The following LRP1B variants were observed in gnomAD, a reference collection of about 807,000 sequenced individuals.
LRP1B encodes LDL receptor related protein 1B.
LRP1B carries 217 observed loss-of-function variants against 556.6 expected under a neutral mutation model. That is an observed-to-expected ratio of 0.39 (90% CI 0.35 to 0.44). LRP1B has a LOEUF of 0.44. Ranked by LOEUF, LRP1B falls within the 20% of genes least tolerant of loss-of-function variation. The pLI is 1.00. For synonymous variants in LRP1B, 2,047 were observed against 1,865.8 expected (o/e 1.10, Z -2.50); for missense variants, 5,053 against 5,620.8 (o/e 0.90, Z 3.23).
At chr2:140,601,085 CAAA>C (rs5834760) in intron 42 of LRP1B, among the ~76,000 whole-genome samples, 6 of 135,812 alleles carry the variant, frequency 4.4e-5, no homozygotes, top group Non-Finnish European at 7.9e-5. Flanking sequence ...GATTAAAATG[CAAA>C]AAAAAAAAAA....
At chr2:141,697,315 A>C (rs1383288405) in intron 2 of LRP1B, among the ~76,000 whole-genome samples, 1 of 151,970 alleles carries the variant, frequency 6.6e-6, no homozygotes, top group Non-Finnish European at 1.5e-5. Flanking sequence ...TTATAAAATA[A>C]GGATCATAAA....
At chr2:141,551,159 T>C (rs1184783734) in intron 2 of LRP1B, among the ~76,000 whole-genome samples, 1 of 152,040 alleles carries the variant, frequency 6.6e-6, no homozygotes, top group Non-Finnish European at 1.5e-5. Context: ...GTGTATTTCT[T>C]GTTAATAAGG....
chr2:142,113,261 G>A (rs1180070032), intron 1 of LRP1B, among the ~76,000 whole-genome samples: 3 of 152,082 alleles, frequency 2.0e-5, no homozygotes, highest in South Asian at 2.1e-4. Flanking sequence ...TTCCTAAAAT[G>A]TATTAAGTTG....
At position 140,537,517 on chromosome 2, in the gene LRP1B, T is replaced by C. The variant is rs550916408; in HGVS notation, c.7514-808A>G. ...TAGAATTGTTAAAATAAGTCACTTG[T>C]CCCATCCATGTGTGGGAGGTTCCCG... On this transcript the variant is annotated intron_variant, in intron 45 of 90. Coordinates refer to ENST00000389484, the MANE Select transcript of LRP1B (RefSeq NM_018557.3). 3.9e-5 allele frequency among the ~76,000 whole-genome samples: 6 copies of C among 152,114 alleles called. No individual in the cohort carries two copies. In the South Asian group the frequency reaches 1.2e-3, roughly 32 times the overall value.
intron 37 of LRP1B, among the ~76,000 whole-genome samples, chr2:140,704,988 G>A (rs1267636287): frequency 6.6e-6 from 1 of 151,964 alleles, no homozygotes; most frequent in African/African-American, 2.4e-5. Flanking sequence ...AACCTACTTA[G>A]CCCTAATTCT....
rs1000554828 is a variant in LRP1B at position 141,430,361 on chromosome 2, C to T, written c.343+50035G>A. Among the ~76,000 whole-genome samples, 7 of 152,136 alleles carry T rather than the reference C, an allele frequency of 4.6e-5. No individual in the cohort carries two copies. In the East Asian group the frequency reaches 1.4e-3, roughly 29 times the overall value. On this transcript the variant is annotated intron_variant, in intron 3 of 90. Coordinates refer to ENST00000389484, the MANE Select transcript of LRP1B (RefSeq NM_018557.3). ...TAAACAGTAGCTCATAAGACATGTT[C>T]TCATCAATAATTAAAATAAAGCAAC...
intron 2 of LRP1B, among the ~76,000 whole-genome samples, chr2:141,799,913 A>G (rs541835640): frequency 6.6e-6 from 1 of 152,140 alleles, no homozygotes; most frequent in Non-Finnish European, 1.5e-5. Flanking sequence ...CTTCATGTGC[A>G]TATGTATATA....
chr2:141,826,975 C>G (rs527586320), intron 1 of LRP1B, among the ~76,000 whole-genome samples: 1 of 152,274 alleles, frequency 6.6e-6, no homozygotes, highest in South Asian at 2.1e-4. Context: ...GCTTTGTGAT[C>G]ATTTTTAAGG....
At chr2:141,815,938 A>G (rs1035156279) in intron 1 of LRP1B, among the ~76,000 whole-genome samples, 2 of 152,226 alleles carry the variant, frequency 1.3e-5, no homozygotes, top group African/African-American at 4.8e-5. Context: ...AAGGGTGGTA[A>G]AGGTTTAGAA....
intron 66 of LRP1B, among the ~76,000 whole-genome samples, chr2:140,418,418 G>C (rs2105261073): frequency 6.6e-6 from 1 of 152,252 alleles, no homozygotes; most frequent in African/African-American, 2.4e-5. Context: ...TGCTAGAAGA[G>C]GATCAACTAC....
intron 2 of LRP1B, among the ~76,000 whole-genome samples, chr2:141,491,296 AC>A (rs1473661688): frequency 6.6e-6 from 1 of 152,188 alleles, no homozygotes; most frequent in African/African-American, 2.4e-5. Context: ...GATATAAAAC[AC>A]ATGTTCCAGT....
chr2:142,031,448 C>A (rs1439684989), intron 1 of LRP1B, among the ~76,000 whole-genome samples: 1 of 140,692 alleles, frequency 7.1e-6, no homozygotes, highest in African/African-American at 2.6e-5. Flanking sequence ...AATGTGTCAT[C>A]TAGCATTAGG....
chr2:140,992,904 C>T (rs1477235427), intron 16 of LRP1B, among the ~76,000 whole-genome samples: 1 of 151,742 alleles, frequency 6.6e-6, no homozygotes. Context: ...GAAGTCAGGG[C>T]CTGAATTTGG....
intron 1 of LRP1B, among the ~76,000 whole-genome samples, chr2:141,937,321 T>C (rs1700661372): frequency 6.6e-6 from 1 of 151,200 alleles, no homozygotes; most frequent in Non-Finnish European, 1.5e-5. Flanking sequence ...GAAGGCGGAG[T>C]TTGCAGTGAG....
intron 1 of LRP1B, among the ~76,000 whole-genome samples, chr2:141,896,222 C>A (rs964027440): frequency 7.2e-5 from 11 of 152,110 alleles, no homozygotes; most frequent in African/African-American, 2.4e-4. Flanking sequence ...CAAAGTTTTT[C>A]AAACTCACCG....
chr2:141,204,307 ATTTG>A (rs1379050322), intron 6 of LRP1B, among the ~76,000 whole-genome samples: 1 of 152,208 alleles, frequency 6.6e-6, no homozygotes, highest in African/African-American at 2.4e-5. Context: ...GACTTGTTTA[ATTTG>A]TTTGACATGG....
intron 45 of LRP1B, among the ~76,000 whole-genome samples, chr2:140,540,204 G>T (rs1680081376): frequency 6.6e-6 from 1 of 152,042 alleles, no homozygotes; most frequent in Admixed American, 6.6e-5. Context: ...AATAGGTGAG[G>T]AGAGACAAAA....
chr2:140,805,444 C>T (rs7580814), intron 32 of LRP1B, among the ~76,000 whole-genome samples: 68,877 of 151,896 alleles, frequency 0.45, 16,822 homozygotes, highest in East Asian at 0.58. Context: ...GATAGCTACT[C>T]AGATATTTAT....
At chr2:140,747,614 G>A (rs1398379302) in intron 35 of LRP1B, among the ~76,000 whole-genome samples, 1 of 151,996 alleles carries the variant, frequency 6.6e-6, no homozygotes, top group African/African-American at 2.4e-5. Context: ...GGGAGTTATC[G>A]GTGTAGTCAT....
Sources: allele counts gnomAD v4.1 joint callset (sites outside exome capture counted in the v4.1 genomes callset), GRCh38; gene constraint gnomAD v4.1.1; transcripts MANE v1.5; gene names NCBI Gene and HGNC (gene_info 2026-07-23, HGNC 2026-07-21).